Variants in MACO1 observed in about 807,000 individuals in gnomAD.
MACO1 encodes the protein macoilin.
Under a neutral mutation model 78.7 loss-of-function variants are expected in MACO1, and 14 were observed. The ratio of observed to expected loss-of-function variants is 0.18; its 90% CI spans 0.12 to 0.28. The LOEUF (loss-of-function observed/expected upper bound fraction) is 0.28, where lower values mean the gene tolerates loss of function less well. Ranked by LOEUF, MACO1 falls within the 10% of genes least tolerant of loss-of-function variation. The probability of loss-of-function intolerance (pLI) is 1.00; values close to 1 mark genes in which losing one functional copy is unlikely to be tolerated. For missense variants in MACO1, 501 were observed against 799.0 expected (o/e 0.63, Z 4.50); for synonymous variants, 288 against 291.6 (o/e 0.99, Z 0.12).
chr1:25,455,191 AAAGT>A (rs1487235646), intron 4 of MACO1, among the ~76,000 whole-genome samples: 1 of 152,196 alleles, frequency 6.6e-6, no homozygotes, highest in African/African-American at 2.4e-5. Flanking sequence ...CCTATTTATA[AAAGT>A]AAGAGAATAT....
At chr1:25,497,135 CT>C (rs1344831252) in intron 10 of MACO1, among the ~76,000 whole-genome samples, 1 of 152,108 alleles carries the variant, frequency 6.6e-6, no homozygotes, top group Non-Finnish European at 1.5e-5. Context: ...AATCCCAGCA[CT>C]TTGGGAGGCC....
chr1:25,445,053 A>G (rs888697322), intron 1 of MACO1, among the ~76,000 whole-genome samples: 1 of 151,086 alleles, frequency 6.6e-6, no homozygotes, highest in Non-Finnish European at 1.5e-5. Context: ...TGAAATCCCA[A>G]CACTTTGGGA....
At chr1:25,490,450 A>C (rs532081791) in intron 9 of MACO1, among the ~76,000 whole-genome samples, 6 of 152,340 alleles carry the variant, frequency 3.9e-5, no homozygotes, top group African/African-American at 1.2e-4. Flanking sequence ...TTAAATGAGA[A>C]TATCAATCAT....
Position 25,491,598 on chromosome 1 carries a change from G to T in MACO1, c.1792+14G>T. 6.2e-7 allele frequency: 1 copy of T among 1,612,540 alleles called. No individual in the cohort carries two copies. Reference sequence around the variant, plus strand: ...AGATTGCCCAAGGTAGGAGAACGTGGGCCCCTGGTGAGGTGGTGTGACTGA... The same window carrying T: ...AGATTGCCCAAGGTAGGAGAACGTGTGCCCCTGGTGAGGTGGTGTGACTGA... On this transcript the variant is annotated intron_variant, in intron 10 of 10. Coordinates refer to ENST00000374343, the MANE Select transcript of MACO1 (RefSeq NM_018202.6).
At chr1:25,490,392 G>A (rs932969870) in intron 9 of MACO1, among the ~76,000 whole-genome samples, 51 of 152,120 alleles carry the variant, frequency 3.4e-4, no homozygotes, top group Non-Finnish European at 7.4e-5. Context: ...AAGACATGCA[G>A]ATTAAAAGTA....
At chr1:25,462,593 T>G (rs2043181164) in intron 6 of MACO1, among the ~76,000 whole-genome samples, 1 of 152,206 alleles carries the variant, frequency 6.6e-6, no homozygotes, top group African/African-American at 2.4e-5. Context: ...GTAACTCTAC[T>G]GTAATAATAT....
At chr1:25,456,275 G>A (rs1458300853) in intron 4 of MACO1, among the ~76,000 whole-genome samples, 1 of 151,554 alleles carries the variant, frequency 6.6e-6, no homozygotes, top group Admixed American at 6.6e-5. Flanking sequence ...AAAAAAAAAG[G>A]GTACAGGTAT....
At chr1:25,442,441 A>C (rs1003392364) in intron 1 of MACO1, among the ~76,000 whole-genome samples, 2 of 152,178 alleles carry the variant, frequency 1.3e-5, no homozygotes, top group African/African-American at 4.8e-5. Flanking sequence ...TGTAGTGAGG[A>C]CCAAATGAAC....
At chr1:25,443,938 CT>C (rs372000457) in intron 1 of MACO1, among the ~76,000 whole-genome samples, 53,546 of 143,798 alleles carry the variant, frequency 0.37, 10,128 homozygotes, top group Non-Finnish European at 0.43. Flanking sequence ...TTTCCATGCC[CT>C]TTTTTTTTTT....
At chr1:25,472,433 C>T in intron 6 of MACO1, among the ~76,000 whole-genome samples, 1 of 141,750 alleles carries the variant, frequency 7.1e-6, no homozygotes, top group Non-Finnish European at 1.5e-5. Context: ...TCTCATTGTT[C>T]ATCTCCCACT....
intron 3 of MACO1, 34 bp downstream of exon 3, chr1:25,448,968 T>A: frequency 1.4e-6 from 2 of 1,400,712 alleles, no homozygotes; most frequent in Non-Finnish European, 9.4e-7. Flanking sequence ...TGGATAGAAA[T>A]CTTAGATTCA....
At chr1:25,436,085 A>G (rs2042916970) in intron 1 of MACO1, among the ~76,000 whole-genome samples, 1 of 152,192 alleles carries the variant, frequency 6.6e-6, no homozygotes, top group African/African-American at 2.4e-5. Flanking sequence ...TTTTCTTCAC[A>G]TCGATTCCTC....
chr1:25,486,948 T>C (rs2043438762), intron 8 of MACO1, among the ~76,000 whole-genome samples: 1 of 152,138 alleles, frequency 6.6e-6, no homozygotes, highest in South Asian at 2.1e-4. Flanking sequence ...TGATGACTGC[T>C]CTCCTCTCTC....
chr1:25,483,303 G>A (rs1157402244), intron 6 of MACO1, among the ~76,000 whole-genome samples: 6 of 152,106 alleles, frequency 3.9e-5, no homozygotes, highest in African/African-American at 9.7e-5. Context: ...CGCCTGCCTC[G>A]GGCTCCCAAA....
rs1014206732 is a variant in MACO1, at chr1:25,446,764, C to T, written c.83C>T (p.Thr28Ile). 8 of 1,608,072 alleles carry T rather than the reference C, an allele frequency of 5.0e-6. No homozygotes were observed. The highest frequency in any genetic ancestry group is 6.8e-6 in the Non-Finnish European group (8 of 1,177,684). Residue 28 changes from threonine (T) to isoleucine (I), a missense_variant and splice_region_variant, in exon 2 of 11, where the codon ACA becomes ATA. Thr to Ile is a moderately conservative substitution (Grantham distance 89). Coordinates refer to ENST00000374343, the MANE Select transcript of MACO1 (RefSeq NM_018202.6). The part of the protein sequence containing the change: ...NRITEGIYGS[T>I]FLYLKFLVVW... ...TTCTTTATTTTTATATTTTGCAGTA[C>T]ATTTTTATACCTGAAATTCCTGGTG...
At chr1:25,433,206 G>A (rs1045975566) in intron 1 of MACO1, among the ~76,000 whole-genome samples, 32 of 151,558 alleles carry the variant, frequency 2.1e-4, no homozygotes, top group Non-Finnish European at 1.6e-4. Context: ...TCAAATGAGC[G>A]TTTCAACTCA....
intron 3 of MACO1, among the ~76,000 whole-genome samples, chr1:25,453,418 C>A (rs2043085689): frequency 2.7e-5 from 4 of 150,838 alleles, no homozygotes; most frequent in Admixed American, 2.6e-4. Flanking sequence ...AATCCCAGCA[C>A]TTTGGGAGGC....
chr1:25,439,471 C>T (rs555158097), intron 1 of MACO1, among the ~76,000 whole-genome samples: 11 of 151,848 alleles, frequency 7.2e-5, no homozygotes, highest in Admixed American at 2.6e-4. Context: ...CACATGTACG[C>T]GCGCGTGTGT....
At chr1:25,443,222 T>C (rs1374719358) in intron 1 of MACO1, among the ~76,000 whole-genome samples, 1 of 152,226 alleles carries the variant, frequency 6.6e-6, no homozygotes, top group Admixed American at 6.5e-5. Flanking sequence ...TCTGTACATG[T>C]ACCTACAGAA....
Sources: gnomAD v4.1 joint callset for allele counts (sites outside exome capture counted in the v4.1 genomes callset) on GRCh38, gnomAD v4.1.1 for gene constraint, MANE v1.5 for transcripts, NCBI Gene and HGNC (gene_info 2026-07-23, HGNC 2026-07-21) for gene names.